The following AKAP8 variants were observed in gnomAD, a reference collection of about 807,000 sequenced individuals.
The protein encoded by AKAP8 is A-kinase anchoring protein 8.
In AKAP8, 24 loss-of-function variants were observed where a neutral mutation model predicts 67.5. The observed-to-expected ratio is 0.36, with a 90% confidence interval of 0.26 to 0.50. The LOEUF is 0.50. Ranked by LOEUF, AKAP8 falls within the 20% of genes least tolerant of loss-of-function variation. The pLI, the probability that AKAP8 is intolerant of heterozygous loss-of-function variation, is 0.97. For missense variants in AKAP8, 971 were observed against 955.9 expected (o/e 1.02, Z -0.21); for synonymous variants, 400 against 371.1 (o/e 1.08, Z -0.90).
intron 9 of AKAP8, among the ~76,000 whole-genome samples, chr19:15,363,450 T>G (rs1337316848): frequency 7.3e-6 from 1 of 136,952 alleles, no homozygotes; most frequent in African/African-American, 2.8e-5. Flanking sequence ...GGAGCCCCCC[T>G]GCCCGGCCAG....
intron 9 of AKAP8, among the ~76,000 whole-genome samples, chr19:15,362,782 C>T (rs1221006598): frequency 1.3e-5 from 2 of 151,946 alleles, no homozygotes; most frequent in Admixed American, 6.6e-5. Flanking sequence ...GCCGCCACCC[C>T]GTCTGGGAAG....
Position 15,362,492 on chromosome 19 carries a change from C to T in AKAP8, c.1161-241G>A, listed in dbSNP as rs868379217. ...CCTGCCTCAGCCTGCCTACTGCCTG[C>T]GATTGCAGGCGCGCGCCGCCACGCC... is the stretch of plus-strand genomic sequence containing the variant. On this transcript the variant is annotated intron_variant, in intron 9 of 13. Coordinates refer to ENST00000269701, the MANE Select transcript of AKAP8 (RefSeq NM_005858.4). Among the ~76,000 whole-genome samples, 7 of 151,834 alleles carry T rather than the reference C, an allele frequency of 4.6e-5. No homozygotes were observed. The East Asian group carries it at 7.8e-4, about 17-fold the overall frequency.
chr19:15,368,654 T>TG lies in AKAP8; in HGVS notation c.1073-333dup, dbSNP rs141376956. On this transcript the variant is annotated intron_variant, in intron 8 of 13. Transcript: ENST00000269701. Reference sequence around the variant, plus strand: ...GCTTGTCCAATCTCATGCCCTGCGATGGGGTCTTCTCCCAATATCACAGGA... The same window carrying TG: ...GCTTGTCCAATCTCATGCCCTGCGATGGGGGTCTTCTCCCAATATCACAGGA... 1,035 of 985,318 alleles carry TG rather than the reference T, an allele frequency of 1.1e-3. 13 individuals are homozygous for TG. The African/African-American group carries it at 0.017, about 16-fold the overall frequency. 61.0% of individuals were successfully genotyped at this position (985,318 alleles called of 1,614,324 possible). A position where few individuals can be genotyped will look rare whatever the true frequency, so the allele number is the denominator to read the frequency against.
chr19:15,371,520 CCT>C (rs765000964), intron 7 of AKAP8, among the ~76,000 whole-genome samples: 1 of 151,388 alleles, frequency 6.6e-6, no homozygotes, highest in Non-Finnish European at 1.5e-5. Context: ...ACGGAGTCTC[CCT>C]CTGTCGCCCA....
intron 9 of AKAP8, among the ~76,000 whole-genome samples, chr19:15,367,844 G>C (rs75958250): frequency 0.024 from 3,616 of 152,332 alleles, 162 homozygotes; most frequent in African/African-American, 0.083. Flanking sequence ...CAGACACCAG[G>C]CTAGGGGGCA....
intron 1 of AKAP8, chr19:15,379,243 C>A (rs926433434): frequency 6.3e-6 from 1 of 159,586 alleles, no homozygotes; most frequent in African/African-American, 2.4e-5. Context: ...AGAGAGGCGG[C>A]CCCCGCGGTC....
In AKAP8 at chr19:15,361,807, T is replaced by G; in HGVS notation, c.1318A>C (p.Arg440=). 5 of 1,614,018 alleles carry G rather than the reference T, an allele frequency of 3.1e-6. No individual in the cohort carries two copies. The highest frequency in any genetic ancestry group is 4.2e-6 in the Non-Finnish European group (5 of 1,179,846). Residue 440 remains arginine, a synonymous_variant, in exon 11 of 14, where the codon AGA becomes CGA. Transcript: ENST00000269701. ...CGCCGCTTCTCAATTTTCTTATTTC[T>G]GTTTACAATGTATTCCTAGGTGGGA... is the stretch of plus-strand genomic sequence containing the variant. The part of the protein sequence containing the change: ...VEFLQEYIVN[R]NKKIEKRRQE...
chr19:15,376,966 G>C lies in AKAP8; in HGVS notation c.58+10C>G, dbSNP rs1599574982. The stretch of plus-strand genomic sequence containing the variant: ...GCCCACGCCTCACCCGCAAAGCAGA[G>C]CCCACTTACCCTGGGTGTTGGCAGG... On this transcript the variant is annotated intron_variant, in intron 2 of 13. Coordinates refer to ENST00000269701, the MANE Select transcript of AKAP8 (RefSeq NM_005858.4). 2.5e-6 allele frequency: 4 copies of C among 1,611,854 alleles called. No individual in the cohort carries two copies. The highest frequency in any genetic ancestry group is 3.3e-4 in the Middle Eastern group (2 of 6,058).
intron 6 of AKAP8, 23 bp downstream of exon 6, chr19:15,372,195 C>G: frequency 6.2e-7 from 1 of 1,613,400 alleles, no homozygotes; most frequent in Non-Finnish European, 8.5e-7. Flanking sequence ...ATCTGTCTGG[C>G]CCACCTGGCC....
rs1206510197 is a variant in AKAP8, at chr19:15,373,902, G to C, written c.255C>G (p.Cys85Trp). 1 of 1,613,744 alleles carries C rather than the reference G, an allele frequency of 6.2e-7. No homozygotes were observed. Among genetic ancestry groups the C allele is most frequent in the South Asian group, 1.1e-5 (1 of 91,062 alleles). ...MHMASYGPEP[C>W]TDNSDSLIAK... is the part of the protein sequence containing the mutation. ...CAATGAGGGAGTCGGAATTGTCGGT[G>C]CATGGCTCTGGGCCGTAAGAGGCCA... is the stretch of plus-strand genomic sequence containing the variant. Residue 85 changes from cysteine to tryptophan, a missense_variant, in exon 4 of 14, where the codon TGC (cysteine) becomes TGG (tryptophan). This residue lies in a region of AKAP8 where 763 missense variants were observed against 745.4 expected (regional missense o/e 1.02). Transcript: ENST00000269701.
In AKAP8 at chr19:15,362,220, G is replaced by C. The variant is rs764482753; in HGVS notation, c.1192C>G (p.Arg398Gly). Residue 398 changes from arginine to glycine, a missense_variant, in exon 10 of 14, where the codon CGT (arginine) becomes GGT (glycine). Arg to Gly is a moderately radical substitution (Grantham distance 125). Around this residue, in one of 3 missense-constraint regions of AKAP8, gnomAD observed 763 missense variants for 745.4 expected, o/e 1.02. Coordinates refer to ENST00000269701, the MANE Select transcript of AKAP8 (RefSeq NM_005858.4). Reference protein sequence around the residue: ...IQFACSVCKFRSFDDEEIQKH... With the variant: ...IQFACSVCKFGSFDDEEIQKH... Reference sequence around the variant, plus strand: ...TGGATCTCTTCGTCATCAAAGCTACGGAACTTGCATACAGAACAGGCAAAC... The same window carrying C: ...TGGATCTCTTCGTCATCAAAGCTACCGAACTTGCATACAGAACAGGCAAAC... 2 of 1,614,068 alleles carry C rather than the reference G, an allele frequency of 1.2e-6. No homozygotes were observed. The highest frequency in any genetic ancestry group is 2.2e-5 in the East Asian group (1 of 44,876).
At chr19:15,379,297 C>A (rs540026033) in intron 1 of AKAP8, 20 of 184,020 alleles carry the variant, frequency 1.1e-4, no homozygotes, top group Non-Finnish European at 2.2e-4. Flanking sequence ...GACCTCACAA[C>A]CCCACGCTGT....
intron 9 of AKAP8, among the ~76,000 whole-genome samples, chr19:15,362,465 C>G (rs1218709225): frequency 2.0e-5 from 3 of 151,120 alleles, no homozygotes; most frequent in Non-Finnish European, 2.9e-5. Flanking sequence ...CTGCCTGATT[C>G]TCCTGCCTCA....
chr19:15,369,021 G>A lies in AKAP8; in HGVS notation c.1073-699C>T, dbSNP rs368257329. 319 of 985,784 alleles carry A rather than the reference G, an allele frequency of 3.2e-4. No individual in the cohort carries two copies. The African/African-American group carries it at 5.2e-3, about 16-fold the overall frequency. 61.1% of individuals were successfully genotyped at this position (985,784 alleles called of 1,614,324 possible). On this transcript the variant is annotated intron_variant, in intron 8 of 13. Transcript: ENST00000269701. This position sits in a 1 kb window ranked among gnomAD's most constrained non-coding sequence, Gnocchi z 4.6. ...ATCATCCCAGCATGAGGCCAGGGAC[G>A]GACGCTGAAAAAAGGTTGGAGAAGC...
At chr19:15,361,239 C>T (rs1353650894) in intron 11 of AKAP8, among the ~76,000 whole-genome samples, 1 of 144,482 alleles carries the variant, frequency 6.9e-6, no homozygotes, top group Non-Finnish European at 1.5e-5. Context: ...CTGATATAAG[C>T]TGCAATCTAT....
rs898275374 is a variant in AKAP8, at chr19:15,364,650, A to AT, written c.1161-2400dup. Among the ~76,000 whole-genome samples the AT allele has an allele frequency of 2.4e-3, 344 of 143,334 alleles. 2 individuals carry two copies. The highest frequency in any genetic ancestry group is 7.6e-3 in the Middle Eastern group (2 of 262). The allele number at this position is 143,334 out of a possible 152,430, so 94.0% of individuals were successfully genotyped here. A position where few individuals can be genotyped will look rare whatever the true frequency, so the allele number is the denominator to read the frequency against. On this transcript the variant is annotated intron_variant, in intron 9 of 13. Transcript: ENST00000269701. ...AGGCGTGAGCCACCGCGCCCAGCCT[A>AT]TTTTTTTTTTGTATTTTTAGTAGAG...
chr19:15,360,484 A>C (rs1195982571), intron 12 of AKAP8, among the ~76,000 whole-genome samples: 1 of 152,218 alleles, frequency 6.6e-6, no homozygotes, highest in Non-Finnish European at 1.5e-5. Context: ...TTTAGCCTGA[A>C]GCCCCAGCAG....
At position 15,373,341 on chromosome 19, in the gene AKAP8, C is replaced by A; in HGVS notation, c.372-1G>T. 1 of 1,602,794 alleles carries A rather than the reference C, an allele frequency of 6.2e-7. No homozygotes were observed. The highest frequency in any genetic ancestry group is 8.5e-7 in the Non-Finnish European group (1 of 1,174,194). ...CTCGAACGGCTGGAAGCGGAAGGAG[C>A]TGCAACAGAAGCACAGCCCATCAGG... On this transcript the variant is annotated splice_acceptor_variant, in intron 4 of 13. Coordinates refer to ENST00000269701, the MANE Select transcript of AKAP8 (RefSeq NM_005858.4). LOFTEE classifies it high-confidence loss of function.
intron 4 of AKAP8, 138 bp from the exon 5 acceptor site, chr19:15,373,478 C>A: frequency 1.6e-6 from 2 of 1,286,258 alleles, no homozygotes; most frequent in Non-Finnish European, 2.1e-6. Flanking sequence ...CTGGGATGAC[C>A]AAAACTGACC....
Sources: gnomAD v4.1 joint callset for allele counts (sites outside exome capture counted in the v4.1 genomes callset) on GRCh38, gnomAD v4.1.1 for gene constraint, gnomAD v4.1.1 regional missense constraint, Gnocchi (gnomAD v3.1) non-coding constraint, MANE v1.5 for transcripts, NCBI Gene and HGNC (gene_info 2026-07-23, HGNC 2026-07-21) for gene names.